AUTS2: variants seen among roughly 807,000 people sequenced by gnomAD.
The protein encoded by AUTS2 is activator of transcription and developmental regulator AUTS2, also known as autism susceptibility gene 2 protein.
AUTS2 carries 17 observed loss-of-function variants against 112.4 expected under a neutral mutation model. The ratio of observed to expected loss-of-function variants is 0.15; its 90% CI spans 0.10 to 0.23. The LOEUF (loss-of-function observed/expected upper bound fraction) is 0.23, where lower values mean the gene tolerates loss of function less well. Ranked by LOEUF, AUTS2 falls within the 10% of genes least tolerant of loss-of-function variation. AUTS2 has a pLI of 1.00. For missense variants in AUTS2, 1,510 were observed against 1,701.6 expected, an observed-to-expected ratio of 0.89 and a Z score of 1.98; for synonymous variants, 751 against 702.7, an observed-to-expected ratio of 1.07 and a Z score of -1.09.
chr7:70,013,095 G>A (rs1799877850), intron 2 of AUTS2, among the ~76,000 whole-genome samples: 1 of 152,174 alleles, frequency 6.6e-6, no homozygotes, highest in African/African-American at 2.4e-5. Context: ...GTTTGGTGCA[G>A]CAAGGGGTGA....
intron 3 of AUTS2, among the ~76,000 whole-genome samples, chr7:70,132,098 G>A (rs1806303285): frequency 6.7e-6 from 1 of 149,566 alleles, no homozygotes; most frequent in South Asian, 2.1e-4. Flanking sequence ...TCACAAGAGG[G>A]TTTTTCTACA....
At chr7:69,812,490 A>G (rs1790584897) in intron 1 of AUTS2, among the ~76,000 whole-genome samples, 1 of 152,170 alleles carries the variant, frequency 6.6e-6, no homozygotes. Context: ...GGAGGGCAGA[A>G]AATGTCACCC....
intron 2 of AUTS2, among the ~76,000 whole-genome samples, chr7:70,035,370 T>C (rs1800955768): frequency 6.6e-6 from 1 of 152,224 alleles, no homozygotes; most frequent in African/African-American, 2.4e-5. Flanking sequence ...TTAGGCAAAG[T>C]ACTTGGCATA....
chr7:69,962,775 A>T (rs1797483269), intron 2 of AUTS2, among the ~76,000 whole-genome samples: 1 of 151,836 alleles, frequency 6.6e-6, no homozygotes. Flanking sequence ...TTGGGTAGGG[A>T]CTAGGAGGGC....
At chr7:70,626,737 C>T (rs1028537111) in intron 5 of AUTS2, among the ~76,000 whole-genome samples, 5 of 152,152 alleles carry the variant, frequency 3.3e-5, no homozygotes, top group African/African-American at 1.2e-4. Flanking sequence ...CAGTGGTTAG[C>T]CCCCACTTAC....
intron 4 of AUTS2, among the ~76,000 whole-genome samples, chr7:70,318,222 A>G (rs990218132): frequency 3.9e-5 from 6 of 152,098 alleles, no homozygotes; most frequent in Non-Finnish European, 7.4e-5. Context: ...GGATGCCATA[A>G]GAAAATGCCT....
intron 1 of AUTS2, among the ~76,000 whole-genome samples, chr7:69,896,835 G>A (rs1794768721): frequency 6.6e-6 from 1 of 152,188 alleles, no homozygotes; most frequent in African/African-American, 2.4e-5. Flanking sequence ...TGCACAAGCT[G>A]TTCTCTCTGT....
chr7:70,244,843 G>A (rs1812810858), intron 4 of AUTS2, among the ~76,000 whole-genome samples: 2 of 152,048 alleles, frequency 1.3e-5, no homozygotes, highest in South Asian at 4.1e-4. Flanking sequence ...AAGATGGCCG[G>A]GTGCGGCGGT....
rs181399636 is a variant in AUTS2 at position 70,428,955 on chromosome 7, A to G, written c.661-6797A>G. Among the ~76,000 whole-genome samples, 27 of 152,294 alleles carry G rather than the reference A, an allele frequency of 1.8e-4. No individual in the cohort carries two copies. The East Asian group carries it at 5.0e-3, about 28-fold the overall frequency. ...AGATTCCCAAATGAAAATGAAAAATATTTGCTTTTGAATAAATATAATAAA... is the reference window on the plus strand; with the variant it reads ...AGATTCCCAAATGAAAATGAAAAATGTTTGCTTTTGAATAAATATAATAAA... On this transcript the variant is annotated intron_variant, in intron 4 of 18. Transcript: ENST00000342771.
chr7:70,298,995 T>C (rs945069580), intron 4 of AUTS2, among the ~76,000 whole-genome samples: 1 of 152,200 alleles, frequency 6.6e-6, no homozygotes, highest in Non-Finnish European at 1.5e-5. Flanking sequence ...GCAAATAGAA[T>C]TAAACCATTA....
At chr7:70,332,414 T>C (rs775203044) in intron 4 of AUTS2, among the ~76,000 whole-genome samples, 5 of 152,232 alleles carry the variant, frequency 3.3e-5, no homozygotes, top group African/African-American at 1.2e-4. Flanking sequence ...TTCAATGTTA[T>C]CCCTATCAAG....
chr7:69,957,319 G>A (rs570236087), intron 2 of AUTS2, among the ~76,000 whole-genome samples: 15 of 151,720 alleles, frequency 9.9e-5, no homozygotes, highest in Non-Finnish European at 1.5e-4. Flanking sequence ...TACAAACAGC[G>A]ACTATATAGT....
At chr7:69,879,549 G>A (rs142863375) in intron 1 of AUTS2, among the ~76,000 whole-genome samples, 264 of 152,236 alleles carry the variant, frequency 1.7e-3, no homozygotes, top group Middle Eastern at 0.01. Flanking sequence ...AGTACTAAAT[G>A]TAATGATGAC....
intron 4 of AUTS2, among the ~76,000 whole-genome samples, chr7:70,220,691 C>A (rs1811430799): frequency 6.6e-6 from 1 of 152,020 alleles, no homozygotes; most frequent in South Asian, 2.1e-4. Flanking sequence ...AGGCTGTGGA[C>A]CTTTGAAAAG....
intron 5 of AUTS2, among the ~76,000 whole-genome samples, chr7:70,536,382 T>A (rs889963138): frequency 6.6e-6 from 1 of 151,958 alleles, no homozygotes; most frequent in African/African-American, 2.4e-5. Context: ...CTTTGCCCTG[T>A]TTTAGACCTT....
At chr7:70,317,629 TCAA>T (rs1790057228) in intron 4 of AUTS2, among the ~76,000 whole-genome samples, 1 of 152,168 alleles carries the variant, frequency 6.6e-6, no homozygotes, top group South Asian at 2.1e-4. Context: ...GCAGTGTTTA[TCAA>T]CTGCTTTCCA....
At chr7:70,207,999 G>A (rs1265506845) in intron 4 of AUTS2, among the ~76,000 whole-genome samples, 1 of 82,158 alleles carries the variant, frequency 1.2e-5, no homozygotes, top group Non-Finnish European at 2.1e-5. Flanking sequence ...CAACAAGAGT[G>A]AAACTCCATC....
At chr7:69,890,041 C>T (rs1423469782) in intron 1 of AUTS2, among the ~76,000 whole-genome samples, 1 of 151,854 alleles carries the variant, frequency 6.6e-6, no homozygotes, top group Non-Finnish European at 1.5e-5. Context: ...TTAAGGTTTC[C>T]TTTTCGTCAT....
intron 6 of AUTS2, among the ~76,000 whole-genome samples, chr7:70,703,499 A>C (rs1809573689): frequency 6.6e-6 from 1 of 151,526 alleles, no homozygotes; most frequent in Admixed American, 6.6e-5. Flanking sequence ...TCAAAAAAAA[A>C]AAAAAAAAAA....
Sources: gnomAD v4.1 joint callset for allele counts (sites outside exome capture counted in the v4.1 genomes callset) on GRCh38, gnomAD v4.1.1 for gene constraint, MANE v1.5 for transcripts, NCBI Gene and HGNC (gene_info 2026-07-23, HGNC 2026-07-21) for gene names.